The following ENTREP2 variants were observed in gnomAD, a reference collection of about 807,000 sequenced individuals.
ENTREP2 encodes the protein endosomal transmembrane epsin interactor 2.
chr15:29,392,368 C>T, the ENTREP2 span, among the ~76,000 whole-genome samples: 251 of 130,314 alleles, frequency 1.9e-3, 1 homozygote, highest in Non-Finnish European at 3.0e-3. Context: ...CCCCCGACCC[C>T]GATTAAAGTT....
At chr15:29,600,898 C>CTTTTTTTTTTTTTTTT in the ENTREP2 span, among the ~76,000 whole-genome samples, 105 of 125,364 alleles carry the variant, frequency 8.4e-4, 14 homozygotes, top group East Asian at 2.7e-3. Context: ...TATGATTTTT[C>CTTTTTTTTTTTTTTTT]TTTCTTTTTT....
the ENTREP2 span, chr15:29,610,263 A>G: frequency 6.6e-6 from 1 of 150,760 alleles, no homozygotes. Flanking sequence ...ATTTCAGTGC[A>G]GAGCACAGGG....
At chr15:29,370,603 G>A in the ENTREP2 span, among the ~76,000 whole-genome samples, 1 of 151,866 alleles carries the variant, frequency 6.6e-6, no homozygotes, top group South Asian at 2.1e-4. Flanking sequence ...AAAGCCACAG[G>A]TTTTCTATCC....
chr15:29,293,423 A>AT, the ENTREP2 span, among the ~76,000 whole-genome samples: 72,563 of 143,540 alleles, frequency 0.51, 20,132 homozygotes, highest in Middle Eastern at 0.66. Flanking sequence ...AATTTTTTGT[A>AT]TTTTTTTTTT....
At chr15:29,386,156 G>C in the ENTREP2 span, among the ~76,000 whole-genome samples, 1 of 152,136 alleles carries the variant, frequency 6.6e-6, no homozygotes, top group Non-Finnish European at 1.5e-5. Flanking sequence ...CTGTACACTA[G>C]GGCAAGAACC....
the ENTREP2 span, among the ~76,000 whole-genome samples, chr15:29,243,766 G>C: frequency 1.3e-5 from 2 of 152,024 alleles, no homozygotes; most frequent in Non-Finnish European, 2.9e-5. Context: ...TACAATGTTC[G>C]AAAGACATTA....
the ENTREP2 span, among the ~76,000 whole-genome samples, chr15:29,337,481 G>T: frequency 6.6e-6 from 1 of 152,122 alleles, no homozygotes; most frequent in African/African-American, 2.4e-5. Context: ...TTCCAGAAGG[G>T]GAAGGCACAA....
chr15:29,584,300 C>T, the ENTREP2 span, among the ~76,000 whole-genome samples: 7 of 152,042 alleles, frequency 4.6e-5, no homozygotes, highest in South Asian at 2.1e-4. Context: ...AAGAAATGGC[C>T]GCTGAAGAAA....
chr15:29,394,177 G>A, the ENTREP2 span, among the ~76,000 whole-genome samples: 1 of 152,120 alleles, frequency 6.6e-6, no homozygotes, highest in Non-Finnish European at 1.5e-5. Flanking sequence ...GTTCCCAAAT[G>A]AGGAAACCTA....
At chr15:29,659,801 TA>T in the ENTREP2 span, among the ~76,000 whole-genome samples, 1 of 139,650 alleles carries the variant, frequency 7.2e-6, no homozygotes. Flanking sequence ...TATGCCACTA[TA>T]TTTTTTTTTT....
chr15:29,345,832 C>T, the ENTREP2 span, among the ~76,000 whole-genome samples: 2 of 152,178 alleles, frequency 1.3e-5, no homozygotes, highest in Non-Finnish European at 2.9e-5. Flanking sequence ...TTTACATCCC[C>T]AGGAGTGCAG....
At chr15:29,422,508 G>A in the ENTREP2 span, among the ~76,000 whole-genome samples, 1 of 152,126 alleles carries the variant, frequency 6.6e-6, no homozygotes, top group Admixed American at 6.5e-5. Context: ...GAGTTTGTAG[G>A]GGGAAAGTCA....
At chr15:29,532,444 T>C in the ENTREP2 span, among the ~76,000 whole-genome samples, 1 of 152,186 alleles carries the variant, frequency 6.6e-6, no homozygotes, top group Non-Finnish European at 1.5e-5. Flanking sequence ...GCATAAAACA[T>C]GATCATACCT....
the ENTREP2 span, among the ~76,000 whole-genome samples, chr15:29,504,857 G>C: frequency 6.6e-6 from 1 of 152,138 alleles, no homozygotes; most frequent in Non-Finnish European, 1.5e-5. Flanking sequence ...TGATACCCAG[G>C]GCTGGCACTG....
the ENTREP2 span, among the ~76,000 whole-genome samples, chr15:29,244,715 C>T: frequency 2.0e-5 from 3 of 152,204 alleles, no homozygotes; most frequent in African/African-American, 7.2e-5. Flanking sequence ...CTCCCCCACG[C>T]AGGCAGTGAA....
the ENTREP2 span, chr15:29,234,208 C>A: frequency 6.2e-7 from 1 of 1,609,308 alleles, no homozygotes; most frequent in African/African-American, 1.3e-5. Context: ...CACGAAGGCT[C>A]AAACGCTTAA....
the ENTREP2 span, among the ~76,000 whole-genome samples, chr15:29,500,168 C>A: frequency 6.6e-6 from 1 of 152,074 alleles, no homozygotes; most frequent in Non-Finnish European, 1.5e-5. Context: ...GAATTAAATA[C>A]CTCAATTTCA....
chr15:29,123,168 G>C, the ENTREP2 span: 1 of 648,062 alleles, frequency 1.5e-6, no homozygotes. Context: ...CCCCTCGAGA[G>C]AGGGGGTAAC....
At chr15:29,438,589 T>G in the ENTREP2 span, among the ~76,000 whole-genome samples, 1 of 151,958 alleles carries the variant, frequency 6.6e-6, no homozygotes, top group Non-Finnish European at 1.5e-5. Context: ...ATGTCCTCCT[T>G]AAAGACCATC....
Sources: allele counts gnomAD v4.1 joint callset (sites outside exome capture counted in the v4.1 genomes callset), GRCh38; gene constraint gnomAD v4.1.1; transcripts MANE v1.5; gene names NCBI Gene and HGNC (gene_info 2026-07-23, HGNC 2026-07-21).